GAK: variants seen among roughly 807,000 people sequenced by gnomAD.
The protein encoded by GAK is cyclin-G-associated kinase.
GAK carries 79 observed loss-of-function variants against 143.9 expected under a neutral mutation model. The observed-to-expected ratio is 0.55, with a 90% CI of 0.46 to 0.66. GAK has a LOEUF of 0.66. Among genes scored for constraint, GAK ranks in the 30% least tolerant of loss-of-function variants. GAK has a pLI of 0.00. For synonymous variants in GAK, 881 were observed against 765.5 expected (o/e 1.15, Z -2.49); for missense variants, 1,693 against 1,779.7 (o/e 0.95, Z 0.88).
chr4:884,000 C>T (rs751710888), intron 12 of GAK, 37 bp downstream of exon 12: 3 of 1,597,532 alleles, frequency 1.9e-6, no homozygotes, highest in Non-Finnish European at 2.6e-6. Flanking sequence ...CAGGGAAGGG[C>T]CGGGGCGCGT....
At chr4:899,077 C>T (rs1036466913) in intron 5 of GAK, among the ~76,000 whole-genome samples, 9 of 152,162 alleles carry the variant, frequency 5.9e-5, no homozygotes, top group African/African-American at 2.2e-4. Flanking sequence ...TGCTCACGCC[C>T]CACACAACAC....
chr4:922,165 G>A (rs1383186749), intron 1 of GAK, among the ~76,000 whole-genome samples: 1 of 152,150 alleles, frequency 6.6e-6, no homozygotes, highest in Non-Finnish European at 1.5e-5. Flanking sequence ...AATCCAATAG[G>A]ACTGGTGTCC....
At chr4:922,511 T>C (rs1724070051) in intron 1 of GAK, among the ~76,000 whole-genome samples, 1 of 104,302 alleles carries the variant, frequency 9.6e-6, no homozygotes, top group South Asian at 3.6e-4. Flanking sequence ...CGAGACTCCA[T>C]CTCAAAAAAA....
chr4:869,035 C>T (rs574068632), intron 19 of GAK: 23 of 267,138 alleles, frequency 8.6e-5, no homozygotes, highest in African/African-American at 2.5e-4. Flanking sequence ...CACACACAGG[C>T]GCACAGTACA....
intron 1 of GAK, among the ~76,000 whole-genome samples, chr4:915,993 C>T (rs1723042994): frequency 6.6e-6 from 1 of 152,184 alleles, no homozygotes; most frequent in Admixed American, 6.5e-5. Context: ...GCTACCATAA[C>T]AAACGCATTC....
intron 24 of GAK, among the ~76,000 whole-genome samples, chr4:858,648 C>T (rs11735882): frequency 0.058 from 8,860 of 152,256 alleles, 297 homozygotes; most frequent in Middle Eastern, 0.092. Flanking sequence ...CATTCAAAGA[C>T]GAAAAAACTC....
Position 932,223 on chromosome 4 carries a change from T to A in GAK, c.-36A>T. The A allele has an allele frequency of 2.0e-6, 3 of 1,503,844 alleles. No homozygotes were observed. The highest frequency in any genetic ancestry group is 1.3e-5 in the South Asian group (1 of 79,260). 93.2% of individuals were successfully genotyped at this position (1,503,844 alleles called of 1,614,324 possible). ...GCGCCGCACCCCGCGGCAGCCGGAG[T>A]GGTCGGGCTCGGGCTCCCGCTCCCT... On this transcript the variant is annotated 5_prime_UTR_variant, in exon 1 of 28. Transcript: ENST00000314167. This position sits in a 1 kb window ranked among gnomAD's most constrained non-coding sequence, Gnocchi z 4.0.
In GAK at chr4:860,338, ACT is replaced by A. The variant is rs371215637; in HGVS notation, c.3167-618_3167-617del. ...CACTCAGCCCCAGTGACAGAATGAC[ACT>A]CTGTCTCAAAAAAAAAAAAAACCGT... On this transcript the variant is annotated intron_variant, in intron 23 of 27. Transcript: ENST00000314167. Among the ~76,000 whole-genome samples the A allele has an allele frequency of 7.9e-3, 886 of 112,824 alleles. 9 individuals are homozygous for A. Among genetic ancestry groups the A allele is most frequent in the African/African-American group, 0.027 (831 of 30,328 alleles). 74.0% of individuals were successfully genotyped at this position (112,824 alleles called of 152,430 possible). A position where few individuals can be genotyped will look rare whatever the true frequency, so the allele number is the denominator to read the frequency against.
chr4:888,864 G>C lies in GAK; in HGVS notation c.1188C>G (p.Val396=), dbSNP rs776029960. The C allele has an allele frequency of 6.2e-6, 10 of 1,607,952 alleles. No homozygotes were observed. The Admixed American group carries it at 8.5e-5, about 14-fold the overall frequency. ...FTNLKDTSSK[V]IQSVANYAKG... ...ACACTCACTTAGCGACGGACTGGATGACCTTGGAGGAGGTGTCCTTGAGGT... is the reference window on the plus strand; with the variant it reads ...ACACTCACTTAGCGACGGACTGGATCACCTTGGAGGAGGTGTCCTTGAGGT... The change falls in exon 11 of 28, where the codon GTC becomes GTG. Residue 396 remains valine (V), a synonymous_variant. Transcript: ENST00000314167.
At chr4:849,833 G>GGGGGGGGGCCCCCCCCCC in intron 27 of GAK, 59 bp from the exon 28 acceptor site, 1 of 1,190,150 alleles carries the variant, frequency 8.4e-7, no homozygotes, top group Non-Finnish European at 1.2e-6. Context: ...GGCGGGGCAG[G>GGGGGGGGGCCCCCCCCCC]ACCCCCCCCC....
At chr4:858,987 GAGGCC>G (rs893970920) in intron 24 of GAK, among the ~76,000 whole-genome samples, 1 of 152,240 alleles carries the variant, frequency 6.6e-6, no homozygotes, top group African/African-American at 2.4e-5. Flanking sequence ...AAGTGCAAGG[GAGGCC>G]CCTTCAGATG....
chr4:891,368 A>G (rs1486669946), intron 9 of GAK, among the ~76,000 whole-genome samples: 2 of 150,640 alleles, frequency 1.3e-5, no homozygotes, highest in Non-Finnish European at 3.0e-5. Flanking sequence ...ATGCCCAACC[A>G]TATTAAGCAG....
intron 1 of GAK, among the ~76,000 whole-genome samples, chr4:931,476 C>T (rs1560459593): frequency 1.3e-5 from 2 of 149,468 alleles, no homozygotes; most frequent in Non-Finnish European, 3.0e-5. Context: ...CACCCACCAA[C>T]TCTCAAGTTC....
intron 14 of GAK, among the ~76,000 whole-genome samples, chr4:882,365 C>T (rs1240875141): frequency 6.6e-6 from 1 of 152,236 alleles, no homozygotes; most frequent in Non-Finnish European, 1.5e-5. Context: ...GAGGCTCAAG[C>T]ACCACTAAGC....
rs778652932 is a variant in GAK at position 911,667 on chromosome 4, C to T, written c.382+6G>A. On this transcript the variant is annotated splice_donor_region_variant and intron_variant, in intron 4 of 27. Transcript: ENST00000314167. ...TGGCACCAAGCCGGCCTTCACAGGA[C>T]GTTACCTTTACAGAGCTCTGTGAGC... The T allele has an allele frequency of 9.3e-6, 15 of 1,608,176 alleles. No individual in the cohort carries two copies. The South Asian group carries it at 1.2e-4, about 13-fold the overall frequency.
intron 5 of GAK, among the ~76,000 whole-genome samples, chr4:899,529 G>A (rs766711687): frequency 2.0e-5 from 3 of 152,236 alleles, no homozygotes; most frequent in Non-Finnish European, 4.4e-5. Context: ...CGAGAGGAAG[G>A]CAAGTCGAGG....
chr4:931,997 G>A (rs1219350364), intron 1 of GAK, 46 bp downstream of exon 1: 2 of 1,370,970 alleles, frequency 1.5e-6, no homozygotes, highest in Admixed American at 1.8e-5. Flanking sequence ...GCGTCCCGGA[G>A]ACAACACTCC....
At chr4:897,150 G>C (rs3755965) in intron 6 of GAK, among the ~76,000 whole-genome samples, 3 of 152,340 alleles carry the variant, frequency 2.0e-5, no homozygotes, top group Non-Finnish European at 4.4e-5. Flanking sequence ...GCTGTGAGGA[G>C]ACAGTGAATC....
rs989350481 is a variant in GAK at position 893,946 on chromosome 4, G to C, written c.805C>G (p.Leu269Val). The change falls in exon 8 of 28, where the codon CTT (leucine) becomes GTT (valine). Residue 269 changes from leucine to valine, a missense_variant. Physicochemically the swap from Leu to Val is conservative, Grantham distance 32. Coordinates refer to ENST00000314167, the MANE Select transcript of GAK (RefSeq NM_005255.4). ...RQHPFEDGAKLRIVNGKYSIP... is the reference protein window; with the variant it reads ...RQHPFEDGAKVRIVNGKYSIP... The stretch of plus-strand genomic sequence containing the variant: ...GAGTACTTCCCATTGACTATTCGAA[G>C]TTTCGCTCCATCCTCAAAAGGGTGC... 1 of 1,613,114 alleles carries C rather than the reference G, an allele frequency of 6.2e-7. No homozygotes were observed.
Sources: gnomAD v4.1 joint callset for allele counts (sites outside exome capture counted in the v4.1 genomes callset) on GRCh38, gnomAD v4.1.1 for gene constraint, Gnocchi (gnomAD v3.1) non-coding constraint, MANE v1.5 for transcripts, NCBI Gene and HGNC (gene_info 2026-07-23, HGNC 2026-07-21) for gene names.